GSE1: variants seen among roughly 807,000 people sequenced by gnomAD.
GSE1 encodes the protein Gse1 coiled-coil protein.
GSE1 carries 32 observed loss-of-function variants against 112.6 expected under a neutral mutation model. The ratio of observed to expected loss-of-function variants is 0.28; its 90% CI spans 0.21 to 0.38. GSE1 has a LOEUF of 0.38. GSE1 is among the 10% of genes least tolerant of loss of function. The probability of loss-of-function intolerance (pLI) is 1.00; values close to 1 mark genes in which losing one functional copy is unlikely to be tolerated. For missense variants in GSE1, 2,348 were observed against 1,699.2 expected, an observed-to-expected ratio of 1.38 and a Z score of -6.71; for synonymous variants, 1,115 against 735.6, an observed-to-expected ratio of 1.52 and a Z score of -8.35.
intron 1 of GSE1, among the ~76,000 whole-genome samples, chr16:85,315,257 C>T (rs774325001): frequency 1.3e-4 from 20 of 152,156 alleles, no homozygotes; most frequent in Non-Finnish European, 1.8e-4. Flanking sequence ...AGCTCTGCCC[C>T]GTCTTCACAG....
intron 1 of GSE1, among the ~76,000 whole-genome samples, chr16:85,312,226 A>C (rs1392321787): frequency 1.4e-3 from 133 of 94,046 alleles, no homozygotes; most frequent in African/African-American, 4.1e-3. Context: ...GGACACACTT[A>C]CCCCCAAACC....
chr16:85,320,336 C>G (rs1223045276), intron 1 of GSE1, among the ~76,000 whole-genome samples: 1 of 152,236 alleles, frequency 6.6e-6, no homozygotes, highest in Non-Finnish European at 1.5e-5. Flanking sequence ...GCCCGTTTGC[C>G]TCCTCTGAGG....
chr16:85,189,646 ATTACCTTC>A (rs1255532040), intron 1 of GSE1, among the ~76,000 whole-genome samples: 1 of 152,248 alleles, frequency 6.6e-6, no homozygotes, highest in Non-Finnish European at 1.5e-5. Flanking sequence ...CTTTTTCTGA[ATTACCTTC>A]TTAAGTAGAT....
intron 2 of GSE1, among the ~76,000 whole-genome samples, chr16:85,460,152 A>G (rs1297096695): frequency 6.6e-6 from 1 of 152,194 alleles, no homozygotes; most frequent in Non-Finnish European, 1.5e-5. Context: ...ACACTCCCCT[A>G]CAGACACTCC....
At position 85,183,489 on chromosome 16, in the gene GSE1, C is replaced by T. The variant is rs1031485491; in HGVS notation, c.2283+11682C>T. Among the ~76,000 whole-genome samples the T allele has an allele frequency of 2.0e-5, 3 of 152,166 alleles. No homozygotes were observed. The South Asian group carries it at 6.2e-4, about 32-fold the overall frequency. On this transcript the variant is annotated intron_variant, in intron 1 of 2. Transcript: ENST00000637419. The stretch of plus-strand genomic sequence containing the variant: ...GTTCCACAGCCAGGGCACCCAGACT[C>T]CTCCCTGCTCTGCCCTCACCCCTGT...
intron 1 of GSE1, among the ~76,000 whole-genome samples, chr16:85,227,982 G>C (rs1348415930): frequency 6.6e-6 from 1 of 152,230 alleles, no homozygotes; most frequent in African/African-American, 2.4e-5. Flanking sequence ...TACCTCAGGA[G>C]GGGGTGTGGT....
At chr16:85,637,644 G>A (rs1164399961) in intron 2 of GSE1, among the ~76,000 whole-genome samples, 1 of 152,260 alleles carries the variant, frequency 6.6e-6, no homozygotes. Flanking sequence ...TGAGCCTCCG[G>A]CTTGCCCGGG....
rs143512290 is a variant in GSE1, at chr16:85,378,893, G to A, written c.2464+21250G>A. On this transcript the variant is annotated intron_variant, in intron 2 of 2. Transcript: ENST00000637419. ...TTGAGAACTTCCCTGAACCAGTACT[G>A]AGGGTGGCCAAATTGGATGCTCCCC... is the stretch of plus-strand genomic sequence containing the variant. 7.9e-5 allele frequency among the ~76,000 whole-genome samples: 12 copies of A among 152,292 alleles called. No individual in the cohort carries two copies. The East Asian group carries it at 2.3e-3, about 29-fold the overall frequency.
chr16:85,610,059 G>C (rs1250730407), upstream of GSE1, among the ~76,000 whole-genome samples: 1 of 152,230 alleles, frequency 6.6e-6, no homozygotes, highest in Non-Finnish European at 1.5e-5. Flanking sequence ...CACTGAAGCA[G>C]GTACCTGAGG....
chr16:85,192,863 C>G (rs1312503136), intron 1 of GSE1, among the ~76,000 whole-genome samples: 1 of 152,118 alleles, frequency 6.6e-6, no homozygotes, highest in African/African-American at 2.4e-5. Context: ...CTGCCTCGCC[C>G]TTTTGGGAAG....
chr16:85,320,704 A>G (rs1364557295), intron 1 of GSE1, among the ~76,000 whole-genome samples: 1 of 152,222 alleles, frequency 6.6e-6, no homozygotes, highest in East Asian at 1.9e-4. Context: ...GGTTTTGAGC[A>G]GCATGACTTC....
At chr16:85,246,270 CACACCCCACACGCTGTCT>C (rs1905695818) in intron 1 of GSE1, among the ~76,000 whole-genome samples, 4 of 145,202 alleles carry the variant, frequency 2.8e-5, no homozygotes, top group Non-Finnish European at 3.0e-5. Flanking sequence ...CACACACACA[CACACCCCACACGCTGTCT>C]ACACACACCC....
chr16:85,632,231 C>T (rs1253698496), intron 1 of GSE1, among the ~76,000 whole-genome samples: 1 of 152,230 alleles, frequency 6.6e-6, no homozygotes, highest in East Asian at 1.9e-4. Flanking sequence ...CACGGCGCCA[C>T]CTGGCTGTTG....
At chr16:85,225,799 A>G (rs973500924) in intron 1 of GSE1, among the ~76,000 whole-genome samples, 3 of 152,214 alleles carry the variant, frequency 2.0e-5, no homozygotes, top group East Asian at 1.9e-4. Context: ...GTAGCCTAAA[A>G]CAATAAATCT....
intron 2 of GSE1, among the ~76,000 whole-genome samples, chr16:85,452,923 C>A (rs2049727000): frequency 6.6e-6 from 1 of 152,112 alleles, no homozygotes; most frequent in African/African-American, 2.4e-5. Flanking sequence ...GTGCCTCCAA[C>A]CCCACCCTGT....
intron 2 of GSE1, among the ~76,000 whole-genome samples, chr16:85,550,655 C>G (rs2044874873): frequency 6.6e-6 from 1 of 152,210 alleles, no homozygotes; most frequent in African/African-American, 2.4e-5. Flanking sequence ...CCGCCGCCTG[C>G]ACTCCAGACC....
intron 1 of GSE1, among the ~76,000 whole-genome samples, chr16:85,620,598 G>A (rs1567663886): frequency 1.3e-5 from 2 of 152,260 alleles, no homozygotes; most frequent in South Asian, 2.1e-4. Flanking sequence ...GCCGCCCGTC[G>A]GGAGGGTGCG....
chr16:85,606,877 A>C (rs1030251791), upstream of GSE1, among the ~76,000 whole-genome samples: 1 of 152,288 alleles, frequency 6.6e-6, no homozygotes, highest in East Asian at 1.9e-4. Context: ...CCCCCCATCA[A>C]GGGTCCGAGC....
At chr16:85,283,776 C>T (rs77652099) in intron 1 of GSE1, among the ~76,000 whole-genome samples, 2,889 of 152,312 alleles carry the variant, frequency 0.019, 82 homozygotes, top group African/African-American at 0.066. Flanking sequence ...CCTCAAACAG[C>T]CCCTAAGGGG....
Sources: allele counts gnomAD v4.1 joint callset (sites outside exome capture counted in the v4.1 genomes callset), GRCh38; gene constraint gnomAD v4.1.1; transcripts MANE v1.5; gene names NCBI Gene and HGNC (gene_info 2026-07-23, HGNC 2026-07-21).